The following CNTN5 variants were observed in gnomAD, a reference collection of about 807,000 sequenced individuals.
The protein encoded by CNTN5 is contactin 5.
CNTN5 carries 77 observed loss-of-function variants against 129.1 expected under a neutral mutation model. The observed-to-expected ratio is 0.60, with a 90% CI of 0.50 to 0.72. The LOEUF (loss-of-function observed/expected upper bound fraction) is 0.72. Among genes scored for constraint, CNTN5 ranks in the 30% least tolerant of loss-of-function variants. The pLI is 0.00. For synonymous variants in CNTN5, 509 were observed against 465.6 expected (o/e 1.09, Z -1.20); for missense variants, 1,478 against 1,328.8 (o/e 1.11, Z -1.75).
intron 2 of CNTN5, among the ~76,000 whole-genome samples, chr11:99,379,071 T>C (rs1159136123): frequency 6.6e-6 from 1 of 151,948 alleles, no homozygotes; most frequent in East Asian, 1.9e-4. Flanking sequence ...TTTTCTAGTC[T>C]GTATTTATGG....
chr11:99,349,266 G>A (rs561465149), intron 2 of CNTN5, among the ~76,000 whole-genome samples: 1 of 152,246 alleles, frequency 6.6e-6, no homozygotes, highest in East Asian at 1.9e-4. Context: ...ATATGCTTAT[G>A]AGAAACCCAA....
intron 18 of CNTN5, among the ~76,000 whole-genome samples, chr11:100,295,379 G>T (rs374244346): frequency 2.6e-5 from 4 of 151,036 alleles, no homozygotes; most frequent in East Asian, 3.9e-4. Context: ...AATCATAGAA[G>T]AAAGCCCTCT....
intron 2 of CNTN5, among the ~76,000 whole-genome samples, chr11:99,362,953 T>G (rs568787336): frequency 6.6e-6 from 1 of 152,128 alleles, no homozygotes; most frequent in African/African-American, 2.4e-5. Context: ...AAAGCATGAG[T>G]CTTCCAACTT....
intron 13 of CNTN5, among the ~76,000 whole-genome samples, chr11:100,162,276 T>C (rs1001020401): frequency 1.4e-4 from 21 of 152,022 alleles, no homozygotes; most frequent in African/African-American, 4.8e-4. Flanking sequence ...ATGATTCTAG[T>C]TCTTCCATGC....
In CNTN5 at chr11:99,765,306, C is replaced by CAT. The variant is rs572148611; in HGVS notation, c.56-54226_56-54225dup. On this transcript the variant is annotated intron_variant, in intron 3 of 24. Coordinates refer to ENST00000524871, the MANE Select transcript of CNTN5 (RefSeq NM_014361.4). ...ACTTACTCTAAAGTCCACCTGAAAC[C>CAT]ATATATATATATACATATATACACC... Among the ~76,000 whole-genome samples the CAT allele has an allele frequency of 3.8e-3, 579 of 150,416 alleles. 6 individuals carry two copies. Among genetic ancestry groups the CAT allele is most frequent in the African/African-American group, 0.012 (478 of 41,076 alleles).
rs7122305 is a variant in CNTN5, at chr11:100,356,043, T to C, written c.3200-74T>C. The C allele has an allele frequency of 3.3e-3, 3,065 of 939,252 alleles. 63 individuals are homozygous for C. The African/African-American group carries it at 0.039, about 12-fold the overall frequency. The allele number at this position is 939,252 out of a possible 1,614,324, so 58.2% of individuals were successfully genotyped here. On this transcript the variant is annotated intron_variant, in intron 24 of 24. Coordinates refer to ENST00000524871, the MANE Select transcript of CNTN5 (RefSeq NM_014361.4). The stretch of plus-strand genomic sequence containing the variant: ...CGATCTTGCACTCATTAGTCTTACA[T>C]ACTAAAAACAATTCTGTCCTAGCTC...
intron 9 of CNTN5, among the ~76,000 whole-genome samples, chr11:100,009,275 A>T (rs1940379523): frequency 6.6e-6 from 1 of 152,102 alleles, no homozygotes; most frequent in South Asian, 2.1e-4. Flanking sequence ...TACTCCTAGA[A>T]ATAGCTCTTA....
chr11:99,366,402 A>C (rs1320952554), intron 2 of CNTN5, among the ~76,000 whole-genome samples: 2 of 152,140 alleles, frequency 1.3e-5, no homozygotes, highest in African/African-American at 2.4e-5. Context: ...ACAACTCTCG[A>C]AATTGATTCT....
At chr11:99,664,434 G>A (rs945634158) in intron 3 of CNTN5, among the ~76,000 whole-genome samples, 1 of 152,086 alleles carries the variant, frequency 6.6e-6, no homozygotes, top group African/African-American at 2.4e-5. Flanking sequence ...ATCCAGAAAA[G>A]GCCGTGCTTT....
chr11:99,778,919 CAAAT>C (rs145307673), intron 3 of CNTN5, among the ~76,000 whole-genome samples: 81,676 of 151,000 alleles, frequency 0.54, 22,702 homozygotes, highest in East Asian at 0.65. Context: ...ACATCATTCT[CAAAT>C]AATTCTATAT....
chr11:100,292,043 A>G (rs979474230), intron 18 of CNTN5, among the ~76,000 whole-genome samples: 17 of 152,026 alleles, frequency 1.1e-4, no homozygotes, highest in African/African-American at 3.9e-4. Context: ...GTTTAATTTA[A>G]TTAAAAAAAT....
At chr11:99,131,871 CA>C (rs1858956428) in intron 1 of CNTN5, among the ~76,000 whole-genome samples, 1 of 152,108 alleles carries the variant, frequency 6.6e-6, no homozygotes, top group Admixed American at 6.5e-5. Flanking sequence ...AACAATTGAA[CA>C]GGAGAGACTA....
chr11:99,265,859 AC>A (rs1484791298), intron 1 of CNTN5, among the ~76,000 whole-genome samples: 1 of 152,050 alleles, frequency 6.6e-6, no homozygotes, highest in Non-Finnish European at 1.5e-5. Flanking sequence ...TCTATTATAT[AC>A]TATATTAAGC....
intron 13 of CNTN5, among the ~76,000 whole-genome samples, chr11:100,094,138 G>A (rs2138017007): frequency 6.6e-6 from 1 of 152,162 alleles, no homozygotes; most frequent in African/African-American, 2.4e-5. Flanking sequence ...AAGCACAATG[G>A]GAGCCAGGTC....
intron 2 of CNTN5, among the ~76,000 whole-genome samples, chr11:99,355,592 A>G (rs1238399234): frequency 6.6e-6 from 1 of 152,126 alleles, no homozygotes; most frequent in African/African-American, 2.4e-5. Context: ...TGGTGCTGTC[A>G]TCTAGAAAAA....
chr11:99,576,229 A>G (rs915599343), intron 3 of CNTN5, among the ~76,000 whole-genome samples: 1 of 152,232 alleles, frequency 6.6e-6, no homozygotes, highest in Non-Finnish European at 1.5e-5. Context: ...TGGATATATT[A>G]GTATTCTCAA....
intron 3 of CNTN5, among the ~76,000 whole-genome samples, chr11:99,793,157 T>C (rs574212229): frequency 6.6e-6 from 1 of 152,224 alleles, no homozygotes; most frequent in South Asian, 2.1e-4. Context: ...CCTCCCAGGT[T>C]CACGCCATTC....
chr11:99,498,483 A>C (rs1252578698), intron 2 of CNTN5, among the ~76,000 whole-genome samples: 1 of 152,096 alleles, frequency 6.6e-6, no homozygotes, highest in Non-Finnish European at 1.5e-5. Context: ...AGCAATTCTC[A>C]TTGTGTTAAT....
chr11:99,961,195 A>T (rs1950933387), intron 8 of CNTN5, among the ~76,000 whole-genome samples: 1 of 99,780 alleles, frequency 1.0e-5, no homozygotes, highest in South Asian at 4.2e-4. Flanking sequence ...ATAGAGTGAG[A>T]CTCCGTCTCA....
Sources: gnomAD v4.1 joint callset for allele counts (sites outside exome capture counted in the v4.1 genomes callset) on GRCh38, gnomAD v4.1.1 for gene constraint, MANE v1.5 for transcripts, NCBI Gene and HGNC (gene_info 2026-07-23, HGNC 2026-07-21) for gene names.